PIP5K1B: variants seen among roughly 807,000 people sequenced by gnomAD.
PIP5K1B encodes the protein phosphatidylinositol 4-phosphate 5-kinase type-1 beta.
A neutral mutation model predicts 67.0 loss-of-function variants in PIP5K1B; 42 were observed. The observed-to-expected ratio is 0.63, with a 90% CI of 0.49 to 0.81. The LOEUF (loss-of-function observed/expected upper bound fraction) is 0.81. Ranked by LOEUF, PIP5K1B falls within the 30% of genes least tolerant of loss-of-function variation. The probability of loss-of-function intolerance (pLI) is 0.00; values close to 1 mark genes in which losing one functional copy is unlikely to be tolerated. For missense variants in PIP5K1B, 459 were observed against 646.3 expected (o/e 0.71, Z 3.14); for synonymous variants, 214 against 231.4 (o/e 0.92, Z 0.68).
intron 2 of PIP5K1B, among the ~76,000 whole-genome samples, chr9:68,777,495 A>G (rs995877973): frequency 3.9e-5 from 6 of 152,342 alleles, no homozygotes; most frequent in Middle Eastern, 6.8e-3. Flanking sequence ...AGGAACAGTT[A>G]TGAAAGCCTC....
At chr9:68,979,522 CTTTTTATATTTATATCCTA>C (rs1371657630) in intron 14 of PIP5K1B, among the ~76,000 whole-genome samples, 3 of 151,430 alleles carry the variant, frequency 2.0e-5, no homozygotes, top group African/African-American at 7.3e-5. Flanking sequence ...AGGAGGAACC[CTTTTTATATTTATATCCTA>C]TCACACACAG....
chr9:68,982,997 T>A (rs1829951774), intron 14 of PIP5K1B, among the ~76,000 whole-genome samples: 1 of 152,188 alleles, frequency 6.6e-6, no homozygotes, highest in African/African-American at 2.4e-5. Context: ...TGTGAAACAT[T>A]TCTTGATTAG....
At chr9:68,760,447 C>T (rs1186469168) in intron 2 of PIP5K1B, among the ~76,000 whole-genome samples, 1 of 152,036 alleles carries the variant, frequency 6.6e-6, no homozygotes, top group Non-Finnish European at 1.5e-5. Flanking sequence ...TTATCTATGA[C>T]CAGTGTCTAG....
Position 68,912,836 on chromosome 9 carries a change from T to G in PIP5K1B, c.772-4712T>G, listed in dbSNP as rs138399431. On this transcript the variant is annotated intron_variant, in intron 8 of 15. Transcript: ENST00000265382. ...ATGTAAAAGCAAAAGGAGGACCAGC[T>G]GCTCTTTGTAGCCTTTAGTCATGAA... 3.8e-3 allele frequency among the ~76,000 whole-genome samples: 575 copies of G among 152,300 alleles called. 4 individuals are homozygous for G. Among genetic ancestry groups the G allele is most frequent in the African/African-American group, 0.012 (518 of 41,566 alleles).
chr9:68,819,539 C>T (rs560986721), intron 3 of PIP5K1B, among the ~76,000 whole-genome samples: 10 of 152,290 alleles, frequency 6.6e-5, no homozygotes, highest in Non-Finnish European at 1.2e-4. Flanking sequence ...TCCCAAAGTG[C>T]TGTGATTACG....
At chr9:68,710,118 A>G (rs954061030) in intron 1 of PIP5K1B, among the ~76,000 whole-genome samples, 6 of 152,012 alleles carry the variant, frequency 3.9e-5, no homozygotes, top group Admixed American at 1.3e-4. Context: ...TTTTCCCCCT[A>G]TGGCCAGAGC....
At chr9:68,906,849 G>A (rs753649276) in intron 8 of PIP5K1B, among the ~76,000 whole-genome samples, 2 of 152,124 alleles carry the variant, frequency 1.3e-5, no homozygotes, top group East Asian at 1.9e-4. Flanking sequence ...AAATGATGAC[G>A]GGAGTTCTTT....
intron 14 of PIP5K1B, among the ~76,000 whole-genome samples, chr9:68,961,447 ATATGATATATCAATAAAAC>A (rs1465095702): frequency 6.6e-6 from 1 of 152,224 alleles, no homozygotes; most frequent in Non-Finnish European, 1.5e-5. Flanking sequence ...TATGGTATAC[ATATGATATATCAATAAAAC>A]TATTTCAAAC....
At chr9:68,930,091 TCTC>T (rs751018787) in intron 12 of PIP5K1B, among the ~76,000 whole-genome samples, 3 of 152,298 alleles carry the variant, frequency 2.0e-5, no homozygotes, top group South Asian at 4.1e-4. Context: ...CAGCCTCTCT[TCTC>T]CTCCTTGGTA....
At chr9:68,861,301 C>T (rs1047748017) in intron 4 of PIP5K1B, among the ~76,000 whole-genome samples, 1 of 151,912 alleles carries the variant, frequency 6.6e-6, no homozygotes, top group Non-Finnish European at 1.5e-5. Context: ...TTTCTTAGAA[C>T]AAGAGCATAT....
chr9:68,853,746 C>T (rs925045801), intron 4 of PIP5K1B, among the ~76,000 whole-genome samples: 5 of 152,124 alleles, frequency 3.3e-5, no homozygotes, highest in African/African-American at 1.2e-4. Context: ...AGGAAACTAC[C>T]AGGCAGAGGA....
chr9:68,767,167 T>C (rs1312888205), intron 2 of PIP5K1B, among the ~76,000 whole-genome samples: 1 of 152,216 alleles, frequency 6.6e-6, no homozygotes. Context: ...ACTTTCAAGA[T>C]TTTTTAAGAT....
At position 69,008,700 on chromosome 9, in the gene PIP5K1B, T is replaced by C; in HGVS notation, c.*251T>C. On this transcript the variant is annotated 3_prime_UTR_variant, in exon 16 of 16. Transcript: ENST00000265382. The stretch of plus-strand genomic sequence containing the variant: ...TGTGAAGAACTGCATGAACTATATT[T>C]AAGCTGCTTTCTGTACCATTGCCAA... 4 of 487,094 alleles carry C rather than the reference T, an allele frequency of 8.2e-6. No homozygotes were observed. The highest frequency in any genetic ancestry group is 1.5e-5 in the Non-Finnish European group (4 of 264,896). The allele number at this position is 487,094 out of a possible 1,614,324, so 30.2% of individuals were successfully genotyped here.
At chr9:68,710,333 C>A (rs1360832797) in intron 1 of PIP5K1B, among the ~76,000 whole-genome samples, 1 of 152,000 alleles carries the variant, frequency 6.6e-6, no homozygotes, top group Non-Finnish European at 1.5e-5. Flanking sequence ...TTGCTGAGTG[C>A]CAGAGAACTG....
At chr9:68,959,125 T>C (rs1828570963) in intron 14 of PIP5K1B, among the ~76,000 whole-genome samples, 1 of 152,206 alleles carries the variant, frequency 6.6e-6, no homozygotes, top group South Asian at 2.1e-4. Flanking sequence ...CTTTTTCTGC[T>C]TTGTGAATTC....
chr9:68,964,940 G>A (rs924713678), intron 14 of PIP5K1B, among the ~76,000 whole-genome samples: 1 of 152,224 alleles, frequency 6.6e-6, no homozygotes, highest in Non-Finnish European at 1.5e-5. Flanking sequence ...TTCCTTATGA[G>A]CAAAGTGAAA....
chr9:68,841,759 A>G (rs545392377), intron 4 of PIP5K1B, among the ~76,000 whole-genome samples: 4 of 152,184 alleles, frequency 2.6e-5, no homozygotes, highest in Non-Finnish European at 5.9e-5. Flanking sequence ...TTGAATTGAG[A>G]ATAGTGACCA....
chr9:68,993,668 C>T (rs1284451302), intron 15 of PIP5K1B, among the ~76,000 whole-genome samples: 1 of 152,106 alleles, frequency 6.6e-6, no homozygotes, highest in Non-Finnish European at 1.5e-5. Context: ...CATTTTTGGT[C>T]CCATGTTGGA....
At chr9:68,989,526 T>C (rs1049658329) in intron 14 of PIP5K1B, among the ~76,000 whole-genome samples, 2 of 151,078 alleles carry the variant, frequency 1.3e-5, no homozygotes, top group African/African-American at 4.9e-5. Context: ...AACACCAATA[T>C]CACACTCTTC....
Sources: allele counts gnomAD v4.1 joint callset (sites outside exome capture counted in the v4.1 genomes callset), GRCh38; gene constraint gnomAD v4.1.1; transcripts MANE v1.5; gene names NCBI Gene and HGNC (gene_info 2026-07-23, HGNC 2026-07-21).